The following PBX1 variants were observed in gnomAD, a reference collection of about 807,000 sequenced individuals.
PBX1 encodes the protein PBX homeobox 1, also known as pre-B-cell leukemia transcription factor 1.
A neutral mutation model predicts 53.4 loss-of-function variants in PBX1; 6 were observed. The ratio of observed to expected loss-of-function variants is 0.11; its 90% CI spans 0.06 to 0.22. The LOEUF (loss-of-function observed/expected upper bound fraction) is 0.22, where lower values mean the gene tolerates loss of function less well. PBX1 is among the 10% of genes least tolerant of loss of function. PBX1 has a pLI of 1.00. For missense variants in PBX1, 251 were observed against 551.4 expected (o/e 0.46, Z 5.46); for synonymous variants, 204 against 212.3 (o/e 0.96, Z 0.34).
intron 2 of PBX1, chr1:164,590,284 A>G: frequency 2.2e-6 from 1 of 450,302 alleles, no homozygotes; most frequent in Non-Finnish European, 4.5e-6. Context: ...GAAAGGGAGG[A>G]GCCAAAAGGG....
At chr1:164,700,116 T>TTGGCATG (rs1663032206) in intron 2 of PBX1, among the ~76,000 whole-genome samples, 2 of 152,216 alleles carry the variant, frequency 1.3e-5, no homozygotes, top group Non-Finnish European at 2.9e-5. Flanking sequence ...CAGGGTGTGC[T>TTGGCATG]TAACCCTTGG....
intron 4 of PBX1, among the ~76,000 whole-genome samples, chr1:164,801,159 C>T (rs1453115007): frequency 6.6e-6 from 1 of 152,066 alleles, no homozygotes; most frequent in Non-Finnish European, 1.5e-5. Context: ...TAGAATAAGT[C>T]AAGAGAAAGT....
At chr1:164,731,449 CT>C (rs768854001) in intron 2 of PBX1, among the ~76,000 whole-genome samples, 96 of 152,296 alleles carry the variant, frequency 6.3e-4, no homozygotes, top group Non-Finnish European at 1.2e-3. Context: ...CCCAACCACC[CT>C]GCTGGATATG....
rs994206529 is a variant in PBX1, at chr1:164,796,087, G to A, written c.510+3349G>A. 2.7e-5 allele frequency among the ~76,000 whole-genome samples: 4 copies of A among 150,424 alleles called. No individual in the cohort carries two copies. In the South Asian group the frequency reaches 6.3e-4, roughly 24 times the overall value. ...GGCTGGAGTGCAGTGGCACGATCTC[G>A]GCTCACTGCAACCTCTGCCTCTGGT... is the stretch of plus-strand genomic sequence containing the variant. On this transcript the variant is annotated intron_variant, in intron 3 of 8. Coordinates refer to ENST00000420696, the MANE Select transcript of PBX1 (RefSeq NM_002585.4).
intron 5 of PBX1, 32 bp downstream of exon 5, chr1:164,807,709 G>A: frequency 6.2e-7 from 1 of 1,610,784 alleles, no homozygotes; most frequent in Non-Finnish European, 8.5e-7. Flanking sequence ...TCAGCCTGTA[G>A]CCTGGCCATG....
At position 164,850,981 on chromosome 1, in the gene PBX1, T is replaced by C. The variant is rs758829305; in HGVS notation, c.*4305T>C. On this transcript the variant is annotated 3_prime_UTR_variant, in exon 9 of 9. Transcript: ENST00000420696. Reference sequence around the variant, plus strand: ...GGAGATGCTGGTATGATGGGCACCATTGGTTAAGTAAACTACATGCAGGAA... The same window carrying C: ...GGAGATGCTGGTATGATGGGCACCACTGGTTAAGTAAACTACATGCAGGAA... The C allele has an allele frequency of 1.4e-5, 3 of 219,256 alleles. No individual in the cohort carries two copies. The highest frequency in any genetic ancestry group is 2.7e-5 in the Non-Finnish European group (3 of 109,176). 13.6% of individuals were successfully genotyped at this position (219,256 alleles called of 1,614,324 possible).
intron 2 of PBX1, among the ~76,000 whole-genome samples, chr1:164,701,113 T>C (rs10918059): frequency 0.44 from 67,601 of 152,060 alleles, 15,613 homozygotes; most frequent in Middle Eastern, 0.56. Context: ...TCCTAATCTT[T>C]TCAGGAGACT....
intron 2 of PBX1, among the ~76,000 whole-genome samples, chr1:164,604,233 G>A (rs557124847): frequency 1.3e-5 from 2 of 152,228 alleles, no homozygotes; most frequent in East Asian, 1.9e-4. Flanking sequence ...GAGCCACTGC[G>A]TCCGGCCTAT....
At chr1:164,575,791 A>G (rs1654182193) in intron 2 of PBX1, among the ~76,000 whole-genome samples, 1 of 152,026 alleles carries the variant, frequency 6.6e-6, no homozygotes, top group Non-Finnish European at 1.5e-5. Flanking sequence ...AGAGCGGGTA[A>G]CACAAGCACA....
intron 2 of PBX1, among the ~76,000 whole-genome samples, chr1:164,863,336 C>T (rs546333239): frequency 2.4e-4 from 36 of 152,256 alleles, no homozygotes; most frequent in African/African-American, 8.7e-4. Context: ...ATGTTTATTT[C>T]TTAAAGTCCC....
chr1:164,876,397 G>A (rs913826439), intron 2 of PBX1, among the ~76,000 whole-genome samples: 12 of 151,696 alleles, frequency 7.9e-5, no homozygotes, highest in African/African-American at 2.2e-4. Flanking sequence ...TCATTTCTCG[G>A]TGGGACAATT....
chr1:164,797,336 C>T (rs745603235), intron 3 of PBX1, among the ~76,000 whole-genome samples: 1 of 152,136 alleles, frequency 6.6e-6, no homozygotes, highest in Non-Finnish European at 1.5e-5. Context: ...AGGCTGCAGC[C>T]CGGCGGGAGG....
At chr1:164,804,200 C>G (rs956366059) in intron 4 of PBX1, among the ~76,000 whole-genome samples, 4 of 152,074 alleles carry the variant, frequency 2.6e-5, no homozygotes, top group African/African-American at 9.7e-5. Flanking sequence ...CAAACTGGCA[C>G]TGCACAGGAT....
chr1:164,849,150 G>A lies in PBX1; in HGVS notation c.*2474G>A, dbSNP rs185832619. ...GCAAAGTACGAAAGAGAGACAAAAGGGTTCTCTTGGAAACAAGAAGAGTGA... is the reference window on the plus strand; with the variant it reads ...GCAAAGTACGAAAGAGAGACAAAAGAGTTCTCTTGGAAACAAGAAGAGTGA... On this transcript the variant is annotated 3_prime_UTR_variant, in exon 9 of 9. Coordinates refer to ENST00000420696, the MANE Select transcript of PBX1 (RefSeq NM_002585.4). 10 of 1,388,462 alleles carry A rather than the reference G, an allele frequency of 7.2e-6. No homozygotes were observed. The African/African-American group carries it at 1.2e-4, about 16-fold the overall frequency. 86.0% of individuals were successfully genotyped at this position (1,388,462 alleles called of 1,614,324 possible). A position where few individuals can be genotyped will look rare whatever the true frequency, so the allele number is the denominator to read the frequency against.
chr1:164,749,111 T>C (rs1333672933), intron 2 of PBX1, among the ~76,000 whole-genome samples: 1 of 152,144 alleles, frequency 6.6e-6, no homozygotes, highest in Non-Finnish European at 1.5e-5. Context: ...ATTAAAACAT[T>C]ACAGAAAGTC....
At chr1:164,671,800 G>A (rs1390993404) in intron 2 of PBX1, among the ~76,000 whole-genome samples, 1 of 152,112 alleles carries the variant, frequency 6.6e-6, no homozygotes, top group Non-Finnish European at 1.5e-5. Flanking sequence ...GTGTGAGTGT[G>A]GGTGTCTGAG....
At chr1:164,778,797 C>G (rs1383060739) in intron 2 of PBX1, among the ~76,000 whole-genome samples, 3 of 152,138 alleles carry the variant, frequency 2.0e-5, no homozygotes, top group Admixed American at 2.0e-4. Flanking sequence ...CCGTGAAACT[C>G]TGCCAGCTGC....
intron 2 of PBX1, among the ~76,000 whole-genome samples, chr1:164,615,901 G>A (rs530355317): frequency 2.0e-5 from 3 of 152,264 alleles, no homozygotes; most frequent in African/African-American, 7.2e-5. Flanking sequence ...TCCCTGGGTT[G>A]GATATGCCTG....
chr1:164,733,967 A>C lies in PBX1; in HGVS notation c.266-58527A>C, dbSNP rs145083827. Among the ~76,000 whole-genome samples the C allele has an allele frequency of 2.0e-3, 309 of 152,324 alleles. 1 individual carries two copies. The highest frequency in any genetic ancestry group is 3.6e-3 in the Non-Finnish European group (246 of 68,024). On this transcript the variant is annotated intron_variant, in intron 2 of 8. Coordinates refer to ENST00000420696, the MANE Select transcript of PBX1 (RefSeq NM_002585.4). Reference sequence around the variant, plus strand: ...AATTTTTTTCTGTGGTTGACTAATTAGCAAATGGATTGCTGGGCTTTGGCG... The same window carrying C: ...AATTTTTTTCTGTGGTTGACTAATTCGCAAATGGATTGCTGGGCTTTGGCG...
Sources: gnomAD v4.1 joint callset for allele counts (sites outside exome capture counted in the v4.1 genomes callset) on GRCh38, gnomAD v4.1.1 for gene constraint, MANE v1.5 for transcripts, NCBI Gene and HGNC (gene_info 2026-07-23, HGNC 2026-07-21) for gene names.